NUDT3: variants seen among roughly 807,000 people sequenced by gnomAD.
The protein encoded by NUDT3 is nudix hydrolase 3, also known as diphosphoinositol polyphosphate phosphohydrolase 1.
In NUDT3, 9 loss-of-function variants were observed where a neutral mutation model predicts 23.6. The observed-to-expected ratio is 0.38, with a 90% CI of 0.23 to 0.66. The LOEUF (loss-of-function observed/expected upper bound fraction) is 0.66. NUDT3 is among the 30% of genes least tolerant of loss of function. The pLI is 0.52. For missense variants in NUDT3, 172 were observed against 218.5 expected (o/e 0.79, Z 1.34); for synonymous variants, 86 against 82.6 (o/e 1.04, Z -0.22).
intron 1 of NUDT3, among the ~76,000 whole-genome samples, chr6:34,349,707 G>A (rs1306819253): frequency 1.3e-5 from 2 of 150,476 alleles, no homozygotes; most frequent in Non-Finnish European, 3.0e-5. Context: ...TATCAGACAA[G>A]TCTCCATTCC....
intron 1 of NUDT3, among the ~76,000 whole-genome samples, chr6:34,374,106 C>T (rs372491720): frequency 6.9e-5 from 10 of 145,112 alleles, no homozygotes; most frequent in African/African-American, 2.0e-4. Flanking sequence ...GCAGCAAGCC[C>T]GGATCATGCC....
intron 1 of NUDT3, among the ~76,000 whole-genome samples, chr6:34,366,409 GGAGAGAAACAGCAAGA>G (rs1315025513): frequency 7.0e-6 from 1 of 142,656 alleles, no homozygotes; most frequent in Non-Finnish European, 1.5e-5. Context: ...GAAAGGAAAA[GGAGAGAAACAGCAAGA>G]GAGAGAAAGA....
intron 1 of NUDT3, among the ~76,000 whole-genome samples, chr6:34,382,317 C>G (rs1416906345): frequency 6.6e-6 from 1 of 151,992 alleles, no homozygotes; most frequent in Admixed American, 6.6e-5. Flanking sequence ...GTGAGAGCAT[C>G]ACTTGCGCCC....
At chr6:34,349,865 C>T (rs1005752273) in intron 1 of NUDT3, among the ~76,000 whole-genome samples, 2 of 150,340 alleles carry the variant, frequency 1.3e-5, no homozygotes, top group African/African-American at 5.0e-5. Flanking sequence ...CTGAGGCGGG[C>T]GGATCACAAG....
At chr6:34,291,540 T>C (rs1287457130) in intron 4 of NUDT3, among the ~76,000 whole-genome samples, 2 of 152,086 alleles carry the variant, frequency 1.3e-5, no homozygotes, top group Non-Finnish European at 2.9e-5. Context: ...GTCTTATCTG[T>C]TGCCCAGGCT....
intron 1 of NUDT3, among the ~76,000 whole-genome samples, chr6:34,385,613 A>G (rs1765092547): frequency 6.6e-6 from 1 of 151,468 alleles, no homozygotes. Context: ...CTATGTGCAG[A>G]GTCCTTCTAG....
chr6:34,303,928 T>C (rs1763636513), intron 2 of NUDT3, among the ~76,000 whole-genome samples: 1 of 152,146 alleles, frequency 6.6e-6, no homozygotes, highest in South Asian at 2.1e-4. Flanking sequence ...TTCTAAAGCC[T>C]AAAACATTTA....
At chr6:34,366,905 T>A (rs1044000702) in intron 1 of NUDT3, among the ~76,000 whole-genome samples, 7 of 151,660 alleles carry the variant, frequency 4.6e-5, no homozygotes, top group Non-Finnish European at 7.4e-5. Flanking sequence ...TAAAAAAAAA[T>A]TTTTTTTGAG....
chr6:34,306,328 C>T (rs1295532387), intron 2 of NUDT3, among the ~76,000 whole-genome samples: 2 of 152,148 alleles, frequency 1.3e-5, no homozygotes, highest in African/African-American at 4.8e-5. Context: ...TTCATAAGTC[C>T]ATGGAATTAA....
chr6:34,357,409 T>G (rs992351238), intron 1 of NUDT3, among the ~76,000 whole-genome samples: 3 of 151,876 alleles, frequency 2.0e-5, no homozygotes, highest in African/African-American at 7.3e-5. Context: ...GCCCAGGAGT[T>G]CCAGACCAGC....
intron 1 of NUDT3, among the ~76,000 whole-genome samples, chr6:34,376,667 A>G (rs1246584725): frequency 6.6e-6 from 1 of 152,056 alleles, no homozygotes; most frequent in Non-Finnish European, 1.5e-5. Context: ...TGCTGCTACC[A>G]TGGCTCTCAC....
chr6:34,366,286 GA>G (rs1398557374), intron 1 of NUDT3, among the ~76,000 whole-genome samples: 2 of 150,968 alleles, frequency 1.3e-5, no homozygotes, highest in African/African-American at 4.9e-5. Flanking sequence ...TGGGGTGGGA[GA>G]ATCACTTGAG....
At chr6:34,291,762 C>T (rs1763426031) in intron 4 of NUDT3, among the ~76,000 whole-genome samples, 1 of 152,150 alleles carries the variant, frequency 6.6e-6, no homozygotes, top group South Asian at 2.1e-4. Context: ...CTCAGCCTCC[C>T]AAAGCGCTGG....
chr6:34,386,422 TAG>T (rs1765107602), intron 1 of NUDT3, among the ~76,000 whole-genome samples: 1 of 152,194 alleles, frequency 6.6e-6, no homozygotes, highest in South Asian at 2.1e-4. Flanking sequence ...TCTCTCCCAT[TAG>T]ACTCTAAGCT....
intron 2 of NUDT3, among the ~76,000 whole-genome samples, chr6:34,331,054 C>T (rs1435657055): frequency 1.3e-5 from 2 of 152,268 alleles, no homozygotes; most frequent in East Asian, 3.9e-4. Flanking sequence ...GGGGTTTCAC[C>T]ATATTGGCCA....
intron 1 of NUDT3, among the ~76,000 whole-genome samples, chr6:34,365,307 T>C (rs1764710106): frequency 6.6e-6 from 1 of 151,904 alleles, no homozygotes; most frequent in African/African-American, 2.4e-5. Flanking sequence ...GCAGGACCTG[T>C]AGTCCTAGCT....
chr6:34,280,667 C>T lies in NUDT3; in HGVS notation c.*8086G>A, dbSNP rs774248145. On this transcript the variant is annotated 3_prime_UTR_variant, in exon 5 of 5. Coordinates refer to ENST00000607016, the MANE Select transcript of NUDT3 (RefSeq NM_006703.4). ...TCTCTAAACAGGAGATCTATATATG[C>T]TCTCATCCTGCAACCCAAGAGATTA... 5.3e-5 allele frequency: 8 copies of T among 152,220 alleles called. No homozygotes were observed. Among genetic ancestry groups the T allele is most frequent in the Non-Finnish European group, 1.0e-4 (7 of 68,040 alleles). 9.4% of individuals were successfully genotyped at this position (152,220 alleles called of 1,614,324 possible).
At chr6:34,305,921 C>G (rs577978167) in intron 2 of NUDT3, among the ~76,000 whole-genome samples, 67 of 152,194 alleles carry the variant, frequency 4.4e-4, no homozygotes, top group Non-Finnish European at 8.1e-4. Flanking sequence ...AATTTTTAAC[C>G]ATTCCTGTAC....
chr6:34,330,636 A>G (rs2113725939), intron 2 of NUDT3, among the ~76,000 whole-genome samples: 1 of 152,082 alleles, frequency 6.6e-6, no homozygotes, highest in East Asian at 1.9e-4. Context: ...AGCTCTACAA[A>G]AAATACAAAA....
Sources: allele counts gnomAD v4.1 joint callset (sites outside exome capture counted in the v4.1 genomes callset), GRCh38; gene constraint gnomAD v4.1.1; transcripts MANE v1.5; gene names NCBI Gene and HGNC (gene_info 2026-07-23, HGNC 2026-07-21).